The following PITPNM3 variants were observed in gnomAD, a reference collection of about 807,000 sequenced individuals.
PITPNM3 encodes membrane-associated phosphatidylinositol transfer protein 3.
In PITPNM3, 26 loss-of-function variants were observed where a neutral mutation model predicts 102.0. The ratio of observed to expected loss-of-function variants is 0.25; its 90% CI spans 0.19 to 0.35. PITPNM3 has a LOEUF of 0.35. Ranked by LOEUF, PITPNM3 falls within the 10% of genes least tolerant of loss-of-function variation. The probability of loss-of-function intolerance (pLI) is 1.00; values close to 1 mark genes in which losing one functional copy is unlikely to be tolerated. For synonymous variants in PITPNM3, 578 were observed against 558.6 expected (o/e 1.03, Z -0.49); for missense variants, 1,083 against 1,346.1 (o/e 0.80, Z 3.06).
At position 6,468,141 on chromosome 17, in the gene PITPNM3, C is replaced by T; in HGVS notation, c.1890+84G>A. On this transcript the variant is annotated intron_variant, in intron 14 of 19. Coordinates refer to ENST00000262483, the MANE Select transcript of PITPNM3 (RefSeq NM_031220.4). The surrounding 1 kb of genome is among the most constrained non-coding windows in gnomAD (Gnocchi z 5.2). The stretch of plus-strand genomic sequence containing the variant: ...GAGGACAAATTGAAGCGCTTACCTC[C>T]CATGTGGATGCCCCAGCCCCCGGGC... 7.6e-7 allele frequency: 1 copy of T among 1,307,432 alleles called. No individual in the cohort carries two copies. Among genetic ancestry groups the T allele is most frequent in the Non-Finnish European group, 1.1e-6 (1 of 907,654 alleles). The allele number at this position is 1,307,432 out of a possible 1,614,324, so 81.0% of individuals were successfully genotyped here. A position where few individuals can be genotyped will look rare whatever the true frequency, so the allele number is the denominator to read the frequency against.
Position 6,478,613 on chromosome 17 carries a change from G to A in PITPNM3, c.711C>T (p.Ile237=), listed in dbSNP as rs373230171. 2.6e-5 allele frequency: 42 copies of A among 1,614,084 alleles called. No individual in the cohort carries two copies. Among genetic ancestry groups the A allele is most frequent in the East Asian group, 1.6e-4 (7 of 44,862 alleles). Residue 237 remains isoleucine (I), a synonymous_variant, in exon 7 of 20, where the codon ATC becomes ATT. Coordinates refer to ENST00000262483, the MANE Select transcript of PITPNM3 (RefSeq NM_031220.4). This position sits in a 1 kb window ranked among gnomAD's most constrained non-coding sequence, Gnocchi z 4.4. ...CTCTGTAGACCTGGTTGGCTCGCTC[G>A]ATGACGGTGGCGACAGCATCCTGGT... ...PQYQDAVATV[I]ERANQVYREF... is the part of the protein sequence containing the mutation.
intron 17 of PITPNM3, 136 bp from the exon 18 acceptor site, chr17:6,461,692 G>T (rs1414469059): frequency 3.9e-6 from 4 of 1,024,420 alleles, no homozygotes; most frequent in African/African-American, 3.2e-5. Context: ...GAACAAGGGG[G>T]ACCCCGAATC....
At chr17:6,542,697 C>T (rs1225192951) in intron 1 of PITPNM3, among the ~76,000 whole-genome samples, 1 of 152,180 alleles carries the variant, frequency 6.6e-6, no homozygotes, top group Non-Finnish European at 1.5e-5. Flanking sequence ...CACTGCCTGG[C>T]ACTTGGAAAT....
At position 6,468,014 on chromosome 17, in the gene PITPNM3, C is replaced by T. The variant is rs958716954; in HGVS notation, c.1890+211G>A. On this transcript the variant is annotated intron_variant, in intron 14 of 19. Transcript: ENST00000262483. The surrounding 1 kb of genome is among the most constrained non-coding windows in gnomAD (Gnocchi z 5.2). Reference sequence around the variant, plus strand: ...GTCTTGGACTCCTGCCCTCAGGGCTCCTGTGGAACCAGGCCATGGGAAGCA... The same window carrying T: ...GTCTTGGACTCCTGCCCTCAGGGCTTCTGTGGAACCAGGCCATGGGAAGCA... Among the ~76,000 whole-genome samples the T allele has an allele frequency of 1.3e-5, 2 of 152,218 alleles. No individual in the cohort carries two copies. Among genetic ancestry groups the T allele is most frequent in the African/African-American group, 4.8e-5 (2 of 41,472 alleles).
At position 6,470,434 on chromosome 17, in the gene PITPNM3, A is replaced by T. The variant is rs1905012027; in HGVS notation, c.1625-26T>A. 1.2e-6 allele frequency: 2 copies of T among 1,613,662 alleles called. No individual in the cohort carries two copies. The highest frequency in any genetic ancestry group is 1.7e-6 in the Non-Finnish European group (2 of 1,179,956). On this transcript the variant is annotated intron_variant, in intron 12 of 19. Transcript: ENST00000262483. This position sits in a 1 kb window ranked among gnomAD's most constrained non-coding sequence, Gnocchi z 4.8. ...CTGTGGGTCGGAGAGGAAGGTGAGGATGCGTGGCCGGCCCGGGGCCTCACC... is the reference window on the plus strand; with the variant it reads ...CTGTGGGTCGGAGAGGAAGGTGAGGTTGCGTGGCCGGCCCGGGGCCTCACC...
chr17:6,468,012 C>A lies in PITPNM3; in HGVS notation c.1890+213G>T, dbSNP rs927336863. On this transcript the variant is annotated intron_variant, in intron 14 of 19. Transcript: ENST00000262483. This position sits in a 1 kb window ranked among gnomAD's most constrained non-coding sequence, Gnocchi z 5.2. ...GTGTCTTGGACTCCTGCCCTCAGGG[C>A]TCCTGTGGAACCAGGCCATGGGAAG... Among the ~76,000 whole-genome samples the A allele has an allele frequency of 4.6e-5, 7 of 152,250 alleles. No individual in the cohort carries two copies. Among genetic ancestry groups the A allele is most frequent in the Non-Finnish European group, 7.3e-5 (5 of 68,044 alleles).
intron 1 of PITPNM3, among the ~76,000 whole-genome samples, chr17:6,542,808 C>A (rs1042224340): frequency 6.6e-6 from 1 of 152,230 alleles, no homozygotes; most frequent in Non-Finnish European, 1.5e-5. Flanking sequence ...CCTCAGAGCT[C>A]TATCTGTGTC....
At position 6,468,836 on chromosome 17, in the gene PITPNM3, C is replaced by G. The variant is rs1904915964; in HGVS notation, c.1774-495G>C. ...ATACTCTCTCAGATTCCTCATGCCT[C>G]TCCAGTGACCGCCACATCCCTGCTG... On this transcript the variant is annotated intron_variant, in intron 13 of 19. Transcript: ENST00000262483. The surrounding 1 kb of genome is among the most constrained non-coding windows in gnomAD (Gnocchi z 5.2). Among the ~76,000 whole-genome samples, 1 of 152,176 alleles carries G rather than the reference C, an allele frequency of 6.6e-6. No homozygotes were observed. Among genetic ancestry groups the G allele is most frequent in the Non-Finnish European group, 1.5e-5 (1 of 68,028 alleles).
chr17:6,512,572 G>C (rs780244921), intron 3 of PITPNM3, among the ~76,000 whole-genome samples: 2 of 152,156 alleles, frequency 1.3e-5, no homozygotes, highest in Admixed American at 6.5e-5. Flanking sequence ...TAGGGGTCTA[G>C]AAATGTGACC....
rs115346745 is a variant in PITPNM3, at chr17:6,489,617, C to T, written c.275-5325G>A. Among the ~76,000 whole-genome samples, 370 of 152,236 alleles carry T rather than the reference C, an allele frequency of 2.4e-3. 3 individuals are homozygous for T. The highest frequency in any genetic ancestry group is 8.5e-3 in the African/African-American group (355 of 41,544). The stretch of plus-strand genomic sequence containing the variant: ...TCAGCCCTGCCTCCTCAGAGAGACT[C>T]TTGGCAGGGAGGAAAAAGTGAGGAG... On this transcript the variant is annotated intron_variant, in intron 4 of 19. Coordinates refer to ENST00000262483, the MANE Select transcript of PITPNM3 (RefSeq NM_031220.4).
At chr17:6,506,060 A>AGAAG (rs1907488150) in intron 3 of PITPNM3, among the ~76,000 whole-genome samples, 1 of 152,156 alleles carries the variant, frequency 6.6e-6, no homozygotes, top group Non-Finnish European at 1.5e-5. Context: ...TTTACAGATA[A>AGAAG]GAAGGAAGGA....
chr17:6,503,625 C>T (rs373039003), intron 3 of PITPNM3, 51 bp from the exon 4 acceptor site: 158 of 1,580,540 alleles, frequency 1.0e-4, no homozygotes, highest in Non-Finnish European at 1.3e-4. Flanking sequence ...TGTTGCCAGG[C>T]ACTGTGTTTC....
At chr17:6,475,838 C>T (rs1167652636) in intron 9 of PITPNM3, among the ~76,000 whole-genome samples, 2 of 152,204 alleles carry the variant, frequency 1.3e-5, no homozygotes, top group African/African-American at 2.4e-5. Flanking sequence ...GCAAGCCTCA[C>T]TAGAAGGTAG....
At chr17:6,521,752 T>C (rs991355593) in intron 3 of PITPNM3, among the ~76,000 whole-genome samples, 2 of 151,916 alleles carry the variant, frequency 1.3e-5, no homozygotes, top group African/African-American at 4.8e-5. Context: ...GAAGCTGAGA[T>C]AGAGGAGATC....
chr17:6,470,442 C>G lies in PITPNM3; in HGVS notation c.1625-34G>C, dbSNP rs771066425. ...CGGAGAGGAAGGTGAGGATGCGTGG[C>G]CGGCCCGGGGCCTCACCCGAGGGGC... On this transcript the variant is annotated intron_variant, in intron 12 of 19. Coordinates refer to ENST00000262483, the MANE Select transcript of PITPNM3 (RefSeq NM_031220.4). This position sits in a 1 kb window ranked among gnomAD's most constrained non-coding sequence, Gnocchi z 4.8. 1 of 1,613,668 alleles carries G rather than the reference C, an allele frequency of 6.2e-7. No individual in the cohort carries two copies. Among genetic ancestry groups the G allele is most frequent in the Non-Finnish European group, 8.5e-7 (1 of 1,179,952 alleles).
chr17:6,484,903 T>C (rs1369955323), intron 4 of PITPNM3, among the ~76,000 whole-genome samples: 4 of 152,174 alleles, frequency 2.6e-5, no homozygotes, highest in African/African-American at 9.6e-5. Context: ...GAGGATTCAC[T>C]CTTCTCAAGC....
At position 6,454,991 on chromosome 17, in the gene PITPNM3, T is replaced by G. The variant is rs1914020706; in HGVS notation, c.*347A>C. ...CCTTGAGGGCCTGCCTAGCTCGCTG[T>G]GAAGCCTGGGGACGCAGGAGGGTGG... On this transcript the variant is annotated 3_prime_UTR_variant, in exon 20 of 20. Transcript: ENST00000262483. The G allele has an allele frequency of 6.4e-6, 2 of 314,346 alleles. No homozygotes were observed. The highest frequency in any genetic ancestry group is 1.2e-5 in the Non-Finnish European group (2 of 170,026). The allele number at this position is 314,346 out of a possible 1,614,324, so 19.5% of individuals were successfully genotyped here.
chr17:6,477,253 T>C, intron 8 of PITPNM3, 40 bp from the exon 9 acceptor site: 3 of 1,599,814 alleles, frequency 1.9e-6, no homozygotes, highest in Non-Finnish European at 2.6e-6. Flanking sequence ...AAAAGACTGT[T>C]GTCACGGGAG....
At chr17:6,511,931 C>T (rs1907888544) in intron 3 of PITPNM3, among the ~76,000 whole-genome samples, 1 of 152,096 alleles carries the variant, frequency 6.6e-6, no homozygotes, top group South Asian at 2.1e-4. Flanking sequence ...GGCGACAGAG[C>T]GAGACTCCAT....
Sources: allele counts gnomAD v4.1 joint callset (sites outside exome capture counted in the v4.1 genomes callset), GRCh38; gene constraint gnomAD v4.1.1; non-coding constraint Gnocchi (gnomAD v3.1); transcripts MANE v1.5; gene names NCBI Gene and HGNC (gene_info 2026-07-23, HGNC 2026-07-21).